The following FOXN4 variants were observed in gnomAD, a reference collection of about 807,000 sequenced individuals.
FOXN4 encodes the protein forkhead box protein N4.
In FOXN4, 12 loss-of-function variants were observed where a neutral mutation model predicts 45.0. That is an observed-to-expected ratio of 0.27 (90% CI 0.17 to 0.43). The LOEUF is 0.43. Ranked by LOEUF, FOXN4 falls within the 20% of genes least tolerant of loss-of-function variation. The pLI, the probability that FOXN4 is intolerant of heterozygous loss-of-function variation, is 1.00. For synonymous variants in FOXN4, 297 were observed against 295.0 expected, an observed-to-expected ratio of 1.01 and a Z score of -0.07; for missense variants, 560 against 694.9, an observed-to-expected ratio of 0.81 and a Z score of 2.18.
chr12:109,285,656 G>T, intron 7 of FOXN4, 145 bp from the exon 8 acceptor site: 1 of 859,286 alleles, frequency 1.2e-6, no homozygotes, highest in Non-Finnish European at 1.8e-6. Context: ...AAGTTGGAGA[G>T]ACAAGAGAGA....
At chr12:109,280,705 A>G (rs1489387538) in intron 9 of FOXN4, among the ~76,000 whole-genome samples, 1 of 152,256 alleles carries the variant, frequency 6.6e-6, no homozygotes, top group Non-Finnish European at 1.5e-5. Flanking sequence ...CGCTAGAGAC[A>G]GAACTCAGGG....
Position 109,288,494 on chromosome 12 carries a change from T to C in FOXN4, c.233-314A>G, listed in dbSNP as rs1205128218. The stretch of plus-strand genomic sequence containing the variant: ...TAGCACACTGCTGGGCACATGATAA[T>C]ATCTCAATAAACATGAGTCAATAAT... On this transcript the variant is annotated intron_variant, in intron 3 of 9. Coordinates refer to ENST00000299162, the MANE Select transcript of FOXN4 (RefSeq NM_213596.3). The surrounding 1 kb of genome is among the most constrained non-coding windows in gnomAD (Gnocchi z 4.3). Among the ~76,000 whole-genome samples, 1 of 152,232 alleles carries C rather than the reference T, an allele frequency of 6.6e-6. No homozygotes were observed. The highest frequency in any genetic ancestry group is 2.4e-5 in the African/African-American group (1 of 41,464).
rs539361047 is a variant in FOXN4 at position 109,290,650 on chromosome 12, G to A, written c.87-364C>T. 2.6e-5 allele frequency among the ~76,000 whole-genome samples: 4 copies of A among 152,226 alleles called. No individual in the cohort carries two copies. Among genetic ancestry groups the A allele is most frequent in the African/African-American group, 9.6e-5 (4 of 41,526 alleles). On this transcript the variant is annotated intron_variant, in intron 2 of 9. Transcript: ENST00000299162. This position sits in a 1 kb window ranked among gnomAD's most constrained non-coding sequence, Gnocchi z 5.1. ...TGTTATTATTCCTATTTTACAGATG[G>A]GGAAACCGAGGCACAGTTGGAGCTC...
In FOXN4 at chr12:109,287,856, C is replaced by T. The variant is rs984807723; in HGVS notation, c.456G>A (p.Pro152=). 7.1e-6 allele frequency: 11 copies of T among 1,549,342 alleles called. No homozygotes were observed. The highest frequency in any genetic ancestry group is 3.7e-4 in the Middle Eastern group (2 of 5,388). ...GAGCCCTTGGTACCTGCTGGGCACC[C>T]GGGGGGAGCGGGAACTGTGGTTGGG... The part of the protein sequence containing the change: ...PATQPQFPLP[P]GAQQCPPVGL... The change falls in exon 5 of 10, where the codon CCG becomes CCA. Residue 152 remains proline (P), a synonymous_variant. Coordinates refer to ENST00000299162, the MANE Select transcript of FOXN4 (RefSeq NM_213596.3). This position sits in a 1 kb window ranked among gnomAD's most constrained non-coding sequence, Gnocchi z 4.1.
chr12:109,285,155 C>T (rs1354292537), intron 8 of FOXN4, 149 bp downstream of exon 8: 46 of 914,218 alleles, frequency 5.0e-5, no homozygotes, highest in Non-Finnish European at 6.7e-5. Flanking sequence ...TGTGTGTGTG[C>T]GCATATTTGT....
rs1432168005 is a variant in FOXN4 at position 109,287,934 on chromosome 12, C to T, written c.378G>A (p.Gly126=). Residue 126 remains glycine, a synonymous_variant, in exon 5 of 10, where the codon GGG becomes GGA. Transcript: ENST00000299162. The surrounding 1 kb of genome is among the most constrained non-coding windows in gnomAD (Gnocchi z 4.1). ...HRDSMSQFPV[G]GQPSSGLQDP... ...CCTGCAGGCCAGATGAGGGCTGGCC[C>T]CCCACGGGGAACTGGCTCATCTGCT... 3.2e-6 allele frequency: 5 copies of T among 1,549,752 alleles called. 1 individual carries two copies. The highest frequency in any genetic ancestry group is 3.9e-5 in the Admixed American group (2 of 50,956).
In FOXN4 at chr12:109,290,724, G is replaced by T. The variant is rs1270561322; in HGVS notation, c.87-438C>A. 6.6e-6 allele frequency among the ~76,000 whole-genome samples: 1 copy of T among 152,146 alleles called. No homozygotes were observed. The highest frequency in any genetic ancestry group is 1.9e-4 in the East Asian group (1 of 5,184). ...CAGAGCACTCAGGGCCTGTGGTCAG[G>T]GTCCCACCTGCCATGACAAGATCAG... On this transcript the variant is annotated intron_variant, in intron 2 of 9. Coordinates refer to ENST00000299162, the MANE Select transcript of FOXN4 (RefSeq NM_213596.3). The surrounding 1 kb of genome is among the most constrained non-coding windows in gnomAD (Gnocchi z 5.1).
chr12:109,285,566 CG>C, intron 7 of FOXN4, 55 bp from the exon 8 acceptor site: 1 of 1,581,658 alleles, frequency 6.3e-7, no homozygotes. Context: ...CCCCCTACCC[CG>C]GGGATCTCCT....
chr12:109,280,809 C>T (rs900379271), intron 9 of FOXN4, among the ~76,000 whole-genome samples: 1 of 152,214 alleles, frequency 6.6e-6, no homozygotes, highest in African/African-American at 2.4e-5. Context: ...CTGAAATTCC[C>T]TTGTTCGTTC....
intron 2 of FOXN4, among the ~76,000 whole-genome samples, chr12:109,300,284 C>T (rs1464246720): frequency 6.6e-6 from 1 of 152,152 alleles, no homozygotes; most frequent in Non-Finnish European, 1.5e-5. Flanking sequence ...AAGCAACTGT[C>T]CGCATCCAAG....
In FOXN4 at chr12:109,278,214, G is replaced by A; in HGVS notation, c.*1457C>T. The A allele has an allele frequency of 6.6e-6, 1 of 152,246 alleles. No homozygotes were observed. The highest frequency in any genetic ancestry group is 1.9e-4 in the East Asian group (1 of 5,196). The allele number at this position is 152,246 out of a possible 1,614,324, so 9.4% of individuals were successfully genotyped here. Reference sequence around the variant, plus strand: ...AAAAACTTAAAGCTCGCCCTTCAAGGCGGGGCTTAATGCCAAAACTCCCAG... The same window carrying A: ...AAAAACTTAAAGCTCGCCCTTCAAGACGGGGCTTAATGCCAAAACTCCCAG... On this transcript the variant is annotated 3_prime_UTR_variant, in exon 10 of 10. Coordinates refer to ENST00000299162, the MANE Select transcript of FOXN4 (RefSeq NM_213596.3).
At chr12:109,304,529 C>T (rs559330458) in intron 2 of FOXN4, among the ~76,000 whole-genome samples, 1 of 152,326 alleles carries the variant, frequency 6.6e-6, no homozygotes, top group Admixed American at 6.5e-5. Context: ...GGACCACCCC[C>T]AGTCCCCTGC....
rs1298401715 is a variant in FOXN4, at chr12:109,287,495, T to G, written c.498A>C (p.Pro166=). The part of the protein sequence containing the change: ...QCPPVGLYGP[P]FGVRPPYPQP... Reference sequence around the variant, plus strand: ...GGGGGTAGGGGGGCCGCACCCCAAATGGGGGGCCATAGAGGCCCACAGGAG... The same window carrying G: ...GGGGGTAGGGGGGCCGCACCCCAAAGGGGGGGCCATAGAGGCCCACAGGAG... Residue 166 remains proline (P), a synonymous_variant, in exon 6 of 10, where the codon CCA becomes CCC. Transcript: ENST00000299162. This position sits in a 1 kb window ranked among gnomAD's most constrained non-coding sequence, Gnocchi z 4.1. 1.9e-6 allele frequency: 3 copies of G among 1,547,144 alleles called. No homozygotes were observed. Among genetic ancestry groups the G allele is most frequent in the Admixed American group, 4.0e-5 (2 of 50,234 alleles).
rs765806216 is a variant in FOXN4 at position 109,290,221 on chromosome 12, G to T, written c.152C>A (p.Ala51Glu). The T allele has an allele frequency of 3.9e-6, 6 of 1,551,440 alleles. No homozygotes were observed. Among genetic ancestry groups the T allele is most frequent in the Admixed American group, 2.0e-5 (1 of 50,974 alleles). ...CTGCTGCAGCCGAGGCACATCCACC[G>T]CCGTGAGCCACGACAGCGACTGCAG... ...GDLQSLSWLT[A>E]VDVPRLQQMA... The change falls in exon 3 of 10, where the codon GCG becomes GAG. Residue 51 changes from alanine (A) to glutamate (E), a missense_variant. Physicochemically the swap from Ala to Glu is moderately radical, Grantham distance 107. Around this residue, in one of 5 missense-constraint regions of FOXN4, gnomAD observed 142 missense variants for 185.7 expected, o/e 0.76. Coordinates refer to ENST00000299162, the MANE Select transcript of FOXN4 (RefSeq NM_213596.3). This position sits in a 1 kb window ranked among gnomAD's most constrained non-coding sequence, Gnocchi z 5.1.
chr12:109,298,756 T>C (rs2047842450), intron 2 of FOXN4, among the ~76,000 whole-genome samples: 1 of 152,150 alleles, frequency 6.6e-6, no homozygotes, highest in African/African-American at 2.4e-5. Context: ...TCCATCATCT[T>C]GGGCAAGCAC....
intron 2 of FOXN4, among the ~76,000 whole-genome samples, chr12:109,305,064 C>T (rs2047909264): frequency 6.6e-6 from 1 of 152,212 alleles, no homozygotes; most frequent in Non-Finnish European, 1.5e-5. Context: ...GCAGCTTATT[C>T]TGTTCCAACA....
intron 2 of FOXN4, among the ~76,000 whole-genome samples, chr12:109,294,936 G>A (rs1009757400): frequency 6.6e-6 from 1 of 152,136 alleles, no homozygotes; most frequent in South Asian, 2.1e-4. Flanking sequence ...TTGAGATGTT[G>A]TAAACTACAG....
In FOXN4 at chr12:109,279,394, G is replaced by C. The variant is rs997898518; in HGVS notation, c.*277C>G. ...ATTGCGGCTCAGGCCTCGGAGGAGT[G>C]TCAAGGGGTCGGGGGATGCTGGGTT... is the stretch of plus-strand genomic sequence containing the variant. On this transcript the variant is annotated 3_prime_UTR_variant, in exon 10 of 10. Coordinates refer to ENST00000299162, the MANE Select transcript of FOXN4 (RefSeq NM_213596.3). The C allele has an allele frequency of 5.8e-6, 3 of 521,402 alleles. No homozygotes were observed. In the East Asian group the frequency reaches 1.0e-4, roughly 18 times the overall value. The allele number at this position is 521,402 out of a possible 1,614,324, so 32.3% of individuals were successfully genotyped here.
At chr12:109,296,312 G>A (rs1395292966) in intron 2 of FOXN4, among the ~76,000 whole-genome samples, 3 of 152,200 alleles carry the variant, frequency 2.0e-5, no homozygotes, top group Non-Finnish European at 4.4e-5. Flanking sequence ...TCTCACTCAG[G>A]TGTGGTATGT....
Sources: allele counts gnomAD v4.1 joint callset (sites outside exome capture counted in the v4.1 genomes callset), GRCh38; gene constraint gnomAD v4.1.1; regional missense constraint gnomAD v4.1.1; non-coding constraint Gnocchi (gnomAD v3.1); transcripts MANE v1.5; gene names NCBI Gene and HGNC (gene_info 2026-07-23, HGNC 2026-07-21).